Variants in COL8A1 observed in about 807,000 individuals in gnomAD.
COL8A1 encodes collagen type VIII alpha 1 chain.
Under a neutral mutation model 42.7 loss-of-function variants are expected in COL8A1, and 21 were observed. That is an observed-to-expected ratio of 0.49 (90% CI 0.35 to 0.71). The LOEUF (loss-of-function observed/expected upper bound fraction) is 0.71, where lower values mean the gene tolerates loss of function less well. COL8A1 is among the 30% of genes least tolerant of loss of function. COL8A1 has a pLI of 0.01. For synonymous variants in COL8A1, 367 were observed against 369.1 expected (o/e 0.99, Z 0.06); for missense variants, 788 against 962.4 (o/e 0.82, Z 2.40).
At chr3:99,789,993 T>C (rs545395261) in intron 2 of COL8A1, among the ~76,000 whole-genome samples, 1 of 152,316 alleles carries the variant, frequency 6.6e-6, no homozygotes, top group East Asian at 1.9e-4. Flanking sequence ...GCTCTTTACA[T>C]TTACATTTAT....
At chr3:99,708,597 C>T (rs1939748285) in intron 1 of COL8A1, among the ~76,000 whole-genome samples, 2 of 152,276 alleles carry the variant, frequency 1.3e-5, no homozygotes, top group South Asian at 4.1e-4. Flanking sequence ...GCACACCAAA[C>T]TCCTTCACAT....
intron 1 of COL8A1, among the ~76,000 whole-genome samples, chr3:99,702,963 A>G (rs1023921262): frequency 1.3e-5 from 2 of 152,204 alleles, no homozygotes; most frequent in South Asian, 4.1e-4. Flanking sequence ...AAGCCCATGC[A>G]AATATTTTGA....
intron 1 of COL8A1, among the ~76,000 whole-genome samples, chr3:99,728,417 G>A (rs1295477954): frequency 6.6e-6 from 1 of 151,870 alleles, no homozygotes; most frequent in Non-Finnish European, 1.5e-5. Flanking sequence ...TCTAGATTAT[G>A]GTTGTTCTGC....
At chr3:99,754,003 CAT>C (rs1462775944) in intron 2 of COL8A1, among the ~76,000 whole-genome samples, 1 of 152,204 alleles carries the variant, frequency 6.6e-6, no homozygotes, top group Non-Finnish European at 1.5e-5. Context: ...CAATTTAAAA[CAT>C]AGTTGCTGAA....
At chr3:99,725,462 T>C (rs1046447066) in intron 1 of COL8A1, among the ~76,000 whole-genome samples, 1 of 151,756 alleles carries the variant, frequency 6.6e-6, no homozygotes, top group Non-Finnish European at 1.5e-5. Context: ...ATGTGCACAA[T>C]GTGCAGGTTT....
At chr3:99,688,176 T>G (rs1939119252) in intron 1 of COL8A1, among the ~76,000 whole-genome samples, 1 of 152,246 alleles carries the variant, frequency 6.6e-6, no homozygotes, top group East Asian at 1.9e-4. Flanking sequence ...CAAATGATAA[T>G]GTATTTCTTG....
At chr3:99,726,054 C>G (rs921617868) in intron 1 of COL8A1, among the ~76,000 whole-genome samples, 1 of 152,162 alleles carries the variant, frequency 6.6e-6, no homozygotes, top group Non-Finnish European at 1.5e-5. Context: ...GTTCCTATTT[C>G]TCCACATCCT....
chr3:99,683,435 C>T (rs1050221099), intron 1 of COL8A1, among the ~76,000 whole-genome samples: 15 of 152,028 alleles, frequency 9.9e-5, no homozygotes, highest in Admixed American at 3.9e-4. Flanking sequence ...CAAACTAAGA[C>T]GTATTTCATT....
chr3:99,659,822 C>T (rs1487438146), intron 1 of COL8A1, among the ~76,000 whole-genome samples: 1 of 152,126 alleles, frequency 6.6e-6, no homozygotes, highest in Non-Finnish European at 1.5e-5. Context: ...TTACGGTTAT[C>T]CTTTACCTTC....
At chr3:99,769,850 T>C (rs1173142620) in intron 2 of COL8A1, among the ~76,000 whole-genome samples, 3 of 151,924 alleles carry the variant, frequency 2.0e-5, no homozygotes, top group Admixed American at 2.0e-4. Flanking sequence ...ACCCGGGAGA[T>C]GGAGGTTGCA....
chr3:99,698,126 T>C (rs1231439607), intron 1 of COL8A1, among the ~76,000 whole-genome samples: 1 of 152,216 alleles, frequency 6.6e-6, no homozygotes, highest in Non-Finnish European at 1.5e-5. Context: ...TTCATCCATG[T>C]CCCTGCAAAG....
chr3:99,738,820 A>G (rs978457471), intron 1 of COL8A1, among the ~76,000 whole-genome samples: 2 of 152,094 alleles, frequency 1.3e-5, no homozygotes, highest in African/African-American at 4.8e-5. Context: ...CCCCTCCCCC[A>G]GCCTCGCTGC....
At position 99,794,675 on chromosome 3, in the gene COL8A1, G is replaced by T; in HGVS notation, c.774G>T (p.Gly258=). Residue 258 remains glycine (G), a synonymous_variant, in exon 4 of 4, where the codon GGG becomes GGT. Transcript: ENST00000652472. This position sits in a 1 kb window ranked among gnomAD's most constrained non-coding sequence, Gnocchi z 4.3. ...CGCCAGGTGTAAAGGGGCCTCCAGG[G>T]ATGCACGGCCCTCCCGGCCCTGTTG... ...PGAPGVKGPP[G]MHGPPGPVGL... 6.2e-7 allele frequency: 1 copy of T among 1,613,486 alleles called. No individual in the cohort carries two copies. Among genetic ancestry groups the T allele is most frequent in the Non-Finnish European group, 8.5e-7 (1 of 1,179,798 alleles).
intron 1 of COL8A1, chr3:99,685,440 A>T (rs1164873556): frequency 1.3e-5 from 2 of 152,196 alleles, no homozygotes; most frequent in Non-Finnish European, 2.9e-5. Context: ...TAGTTTCTGC[A>T]TGATCTTAGA....
At chr3:99,641,493 A>G (rs556481273) in intron 1 of COL8A1, among the ~76,000 whole-genome samples, 2 of 152,322 alleles carry the variant, frequency 1.3e-5, no homozygotes, top group Non-Finnish European at 2.9e-5. Flanking sequence ...CATAATTCTA[A>G]AAGCTATACT....
chr3:99,774,974 T>C (rs1283015873), intron 2 of COL8A1, among the ~76,000 whole-genome samples: 2 of 152,110 alleles, frequency 1.3e-5, no homozygotes, highest in Admixed American at 6.5e-5. Flanking sequence ...CAATGTTTAT[T>C]AGGGAAAATG....
chr3:99,745,923 C>T (rs537921644), intron 2 of COL8A1, among the ~76,000 whole-genome samples: 1 of 151,992 alleles, frequency 6.6e-6, no homozygotes, highest in African/African-American at 2.4e-5. Flanking sequence ...TTACTATTGC[C>T]TGGTCTTAAG....
intron 3 of COL8A1, among the ~76,000 whole-genome samples, chr3:99,793,190 G>A (rs899619318): frequency 4.6e-5 from 7 of 152,120 alleles, no homozygotes; most frequent in African/African-American, 1.7e-4. Flanking sequence ...GGAGAAATAA[G>A]TTGTTTTTTG....
chr3:99,762,017 C>T (rs764409207), intron 2 of COL8A1, among the ~76,000 whole-genome samples: 1 of 152,124 alleles, frequency 6.6e-6, no homozygotes, highest in Non-Finnish European at 1.5e-5. Flanking sequence ...CAACTGACCT[C>T]GAGGGATTTT....
Sources: allele counts gnomAD v4.1 joint callset (sites outside exome capture counted in the v4.1 genomes callset), GRCh38; gene constraint gnomAD v4.1.1; non-coding constraint Gnocchi (gnomAD v3.1); transcripts MANE v1.5; gene names NCBI Gene and HGNC (gene_info 2026-07-23, HGNC 2026-07-21).